NRXN3: variants seen among roughly 807,000 people sequenced by gnomAD.
NRXN3 encodes the protein neurexin III.
Under a neutral mutation model 137.6 loss-of-function variants are expected in NRXN3, and 32 were observed. The ratio of observed to expected loss-of-function variants is 0.23; its 90% CI spans 0.18 to 0.31. The LOEUF (loss-of-function observed/expected upper bound fraction) is 0.31. NRXN3 is among the 10% of genes least tolerant of loss of function. The pLI is 1.00. For synonymous variants in NRXN3, 798 were observed against 784.5 expected, an observed-to-expected ratio of 1.02 and a Z score of -0.29; for missense variants, 1,574 against 2,062.5, an observed-to-expected ratio of 0.76 and a Z score of 4.59.
At position 79,137,017 on chromosome 14, in the gene NRXN3, C is replaced by T. The variant is rs567532402; in HGVS notation, c.3262+148876C>T. On this transcript the variant is annotated intron_variant, in intron 15 of 20. Transcript: ENST00000335750. Reference sequence around the variant, plus strand: ...TCATTTCACTTTAATCACCTTTTACCCCTTGGGGCCATTTGAGGACCATGA... The same window carrying T: ...TCATTTCACTTTAATCACCTTTTACTCCTTGGGGCCATTTGAGGACCATGA... Among the ~76,000 whole-genome samples, 4 of 152,280 alleles carry T rather than the reference C, an allele frequency of 2.6e-5. No homozygotes were observed. The East Asian group carries it at 5.8e-4, about 22-fold the overall frequency.
intron 4 of NRXN3, among the ~76,000 whole-genome samples, chr14:78,542,267 C>A (rs555000792): frequency 6.6e-6 from 1 of 152,252 alleles, no homozygotes; most frequent in Non-Finnish European, 1.5e-5. Flanking sequence ...TTCAGCTGTG[C>A]CCTGCCCATA....
intron 15 of NRXN3, among the ~76,000 whole-genome samples, chr14:79,393,684 G>A (rs12434144): frequency 7.2e-5 from 11 of 151,838 alleles, no homozygotes; most frequent in African/African-American, 1.7e-4. Context: ...GCGTGGTGGC[G>A]GGCGCCTATA....
At chr14:78,806,587 A>T (rs982048217) in intron 9 of NRXN3, among the ~76,000 whole-genome samples, 1 of 152,198 alleles carries the variant, frequency 6.6e-6, no homozygotes, top group Non-Finnish European at 1.5e-5. Context: ...CATGATATAA[A>T]AGCCTAGTAT....
chr14:78,561,348 A>C (rs1388620763), intron 4 of NRXN3, among the ~76,000 whole-genome samples: 2 of 152,350 alleles, frequency 1.3e-5, no homozygotes, highest in Non-Finnish European at 1.5e-5. Flanking sequence ...GAGAATATGA[A>C]TAACATATAC....
chr14:78,333,641 G>T (rs906807310), intron 4 of NRXN3, among the ~76,000 whole-genome samples: 1 of 152,124 alleles, frequency 6.6e-6, no homozygotes, highest in African/African-American at 2.4e-5. Flanking sequence ...CCTCACTGAG[G>T]ATATGATATT....
intron 4 of NRXN3, among the ~76,000 whole-genome samples, chr14:78,553,081 A>C (rs1054018428): frequency 1.3e-5 from 2 of 152,242 alleles, no homozygotes; most frequent in African/African-American, 4.8e-5. Flanking sequence ...CAACCTTATG[A>C]AGTAAATGCT....
At chr14:78,945,951 TC>T (rs1385151913) in intron 10 of NRXN3, among the ~76,000 whole-genome samples, 1 of 152,210 alleles carries the variant, frequency 6.6e-6, no homozygotes, top group African/African-American at 2.4e-5. Context: ...GCTCACATTT[TC>T]TTGGCTGTGA....
intron 16 of NRXN3, among the ~76,000 whole-genome samples, chr14:79,617,796 G>A (rs1239429901): frequency 1.3e-5 from 2 of 151,700 alleles, no homozygotes; most frequent in African/African-American, 4.9e-5. Context: ...GTGCAGGTTA[G>A]GAAATAACAT....
chr14:78,437,627 G>A (rs2094117280), intron 4 of NRXN3, among the ~76,000 whole-genome samples: 5 of 152,158 alleles, frequency 3.3e-5, no homozygotes, highest in Admixed American at 3.3e-4. Context: ...GAGATTACAG[G>A]TGTGATGAGC....
intron 15 of NRXN3, among the ~76,000 whole-genome samples, chr14:78,995,236 C>T (rs1182903770): frequency 1.3e-5 from 2 of 152,168 alleles, no homozygotes; most frequent in Admixed American, 1.3e-4. Context: ...GGTCTTCCTT[C>T]TTAACACTCA....
intron 10 of NRXN3, among the ~76,000 whole-genome samples, chr14:78,825,689 A>G (rs1050698885): frequency 3.3e-5 from 5 of 152,250 alleles, no homozygotes; most frequent in Non-Finnish European, 7.3e-5. Context: ...CTGATTTGTC[A>G]AATGGAATTG....
intron 8 of NRXN3, among the ~76,000 whole-genome samples, chr14:78,800,096 G>A (rs1485085888): frequency 2.0e-5 from 3 of 152,064 alleles, no homozygotes; most frequent in African/African-American, 4.8e-5. Flanking sequence ...GTATATGCGT[G>A]CACATACAAA....
At chr14:79,409,123 A>T (rs2095367103) in intron 15 of NRXN3, among the ~76,000 whole-genome samples, 1 of 152,134 alleles carries the variant, frequency 6.6e-6, no homozygotes, top group South Asian at 2.1e-4. Flanking sequence ...TCAACTGAGT[A>T]AACTGCAATC....
At chr14:79,397,026 T>C (rs1307882572) in intron 15 of NRXN3, among the ~76,000 whole-genome samples, 2 of 152,158 alleles carry the variant, frequency 1.3e-5, no homozygotes, top group Non-Finnish European at 2.9e-5. Flanking sequence ...GGGAGGGAGC[T>C]GTTAGGAAGG....
At chr14:78,429,625 A>G (rs938538955) in intron 4 of NRXN3, among the ~76,000 whole-genome samples, 6 of 152,144 alleles carry the variant, frequency 3.9e-5, no homozygotes, top group Non-Finnish European at 7.4e-5. Context: ...ATGAGGAGCC[A>G]CTCAGGCACA....
At chr14:78,195,966 C>T (rs988771984) in intron 1 of NRXN3, among the ~76,000 whole-genome samples, 3 of 152,234 alleles carry the variant, frequency 2.0e-5, no homozygotes, top group African/African-American at 7.2e-5. Context: ...TCCATGGTCA[C>T]ACAGCCAGAA....
intron 15 of NRXN3, among the ~76,000 whole-genome samples, chr14:79,169,976 T>C (rs893558130): frequency 9.2e-5 from 14 of 152,110 alleles, no homozygotes; most frequent in African/African-American, 3.4e-4. Flanking sequence ...TGACCTAAGC[T>C]AGGGTAGGCA....
At chr14:79,818,352 C>T (rs1005800415) in intron 20 of NRXN3, among the ~76,000 whole-genome samples, 1 of 152,280 alleles carries the variant, frequency 6.6e-6, no homozygotes, top group Non-Finnish European at 1.5e-5. Flanking sequence ...CGCGCCCGGC[C>T]GCACTTGGGG....
intron 15 of NRXN3, among the ~76,000 whole-genome samples, chr14:79,464,570 G>A (rs966079000): frequency 6.6e-6 from 1 of 152,142 alleles, no homozygotes; most frequent in Non-Finnish European, 1.5e-5. Flanking sequence ...TTGTTGATAT[G>A]GTGAGATGGC....
Sources: allele counts gnomAD v4.1 joint callset (sites outside exome capture counted in the v4.1 genomes callset), GRCh38; gene constraint gnomAD v4.1.1; transcripts MANE v1.5; gene names NCBI Gene and HGNC (gene_info 2026-07-23, HGNC 2026-07-21).